SAMMSON: variants seen among roughly 807,000 people sequenced by gnomAD.
The protein encoded by SAMMSON is survival associated mitochondrial melanoma specific oncogenic non-coding RNA.
chr3:70,022,761 C>A (rs953157621), intron 3 of SAMMSON, among the ~76,000 whole-genome samples: 1 of 152,186 alleles, frequency 6.6e-6, no homozygotes, highest in Non-Finnish European at 1.5e-5. Flanking sequence ...GCTAAAGGGC[C>A]TAAGCCCTTC....
chr3:70,162,138 T>G (rs2067617991), intron 4 of SAMMSON, among the ~76,000 whole-genome samples: 1 of 151,830 alleles, frequency 6.6e-6, no homozygotes. Context: ...ATTCAATGGT[T>G]TTTCACTCTA....
In SAMMSON at chr3:70,186,667, A is replaced by T. The variant is rs533325629; in HGVS notation, n.508-62440A>T. Among the ~76,000 whole-genome samples, 23 of 152,302 alleles carry T rather than the reference A, an allele frequency of 1.5e-4. No individual in the cohort carries two copies. The South Asian group carries it at 4.4e-3, about 29-fold the overall frequency. On this transcript the variant is annotated intron_variant and non_coding_transcript_variant, in intron 4 of 9. Coordinates refer to ENST00000642114, the Ensembl canonical transcript of SAMMSON. ...GAGGGGTGGTTAGGAGGAGAATGAG[A>T]AAAACCTTTCTTAGCTGAAAAAGGA...
At chr3:70,356,603 TCTTA>T (rs1702831095) in intron 8 of SAMMSON, among the ~76,000 whole-genome samples, 1 of 152,164 alleles carries the variant, frequency 6.6e-6, no homozygotes, top group Non-Finnish European at 1.5e-5. Flanking sequence ...TCCTCACTAT[TCTTA>T]CTTTTAAAAT....
At chr3:70,399,200 G>C (rs774980688) in intron 2 of SAMMSON, among the ~76,000 whole-genome samples, 1 of 152,046 alleles carries the variant, frequency 6.6e-6, no homozygotes, top group Non-Finnish European at 1.5e-5. Context: ...CAACATCCTC[G>C]TTGTTTATTT....
At chr3:70,342,744 G>A (rs805468) in intron 7 of SAMMSON, among the ~76,000 whole-genome samples, 129,063 of 152,134 alleles carry the variant, frequency 0.85, 54,847 homozygotes, top group East Asian at 0.94. Context: ...AGTATTGCCT[G>A]AAGTCATTAT....
intron 4 of SAMMSON, among the ~76,000 whole-genome samples, chr3:70,096,419 C>G (rs1576120656): frequency 6.6e-6 from 1 of 152,076 alleles, no homozygotes; most frequent in South Asian, 2.1e-4. Context: ...TGGCGCATAC[C>G]TGTAGTTCCA....
At chr3:70,348,024 C>G (rs1478081069) in intron 7 of SAMMSON, among the ~76,000 whole-genome samples, 1 of 151,946 alleles carries the variant, frequency 6.6e-6, no homozygotes, top group African/African-American at 2.4e-5. Context: ...GCCTGGGTGA[C>G]AGAGCAAGAC....
chr3:70,032,382 A>G (rs1268644192), intron 3 of SAMMSON, among the ~76,000 whole-genome samples: 2 of 152,230 alleles, frequency 1.3e-5, no homozygotes, highest in African/African-American at 4.8e-5. Flanking sequence ...TTATAGCAAC[A>G]AAGATTTGAT....
intron 3 of SAMMSON, among the ~76,000 whole-genome samples, chr3:70,023,322 G>T (rs1023369611): frequency 2.0e-5 from 3 of 151,872 alleles, no homozygotes; most frequent in African/African-American, 7.3e-5. Flanking sequence ...TTAGCCAGGC[G>T]TGGTGGCAGA....
chr3:70,158,026 G>A (rs1553642566), intron 4 of SAMMSON, among the ~76,000 whole-genome samples: 1 of 152,054 alleles, frequency 6.6e-6, no homozygotes, highest in African/African-American at 2.4e-5. Flanking sequence ...AGCTTTGGAT[G>A]TTTTTAATAA....
At chr3:70,379,077 G>A (rs1376387134) in intron 9 of SAMMSON, among the ~76,000 whole-genome samples, 2 of 151,424 alleles carry the variant, frequency 1.3e-5, no homozygotes, top group African/African-American at 2.4e-5. Context: ...GCAGTGGCAC[G>A]ATCTCAGCTC....
At chr3:70,065,891 A>G (rs1252329544) in intron 3 of SAMMSON, among the ~76,000 whole-genome samples, 2 of 152,070 alleles carry the variant, frequency 1.3e-5, no homozygotes, top group Non-Finnish European at 2.9e-5. Flanking sequence ...CCGCAGGCCC[A>G]TTTCTATCTG....
chr3:70,411,578 T>C (rs1038516045), intron 2 of SAMMSON, among the ~76,000 whole-genome samples: 5 of 152,194 alleles, frequency 3.3e-5, no homozygotes, highest in South Asian at 2.1e-4. Flanking sequence ...TCTTGAATTG[T>C]AGCTCCCATG....
At chr3:70,322,986 G>C (rs1702549182) in intron 7 of SAMMSON, among the ~76,000 whole-genome samples, 1 of 152,098 alleles carries the variant, frequency 6.6e-6, no homozygotes, top group East Asian at 1.9e-4. Flanking sequence ...AAATTTTAGG[G>C]AGCAAAGATT....
chr3:70,133,566 A>G (rs1213880342), intron 4 of SAMMSON, among the ~76,000 whole-genome samples: 1 of 152,118 alleles, frequency 6.6e-6, no homozygotes, highest in African/African-American at 2.4e-5. Flanking sequence ...ATAGCTGGTG[A>G]GTTAGAAGCA....
At chr3:70,088,703 T>C (rs2067294600) in intron 4 of SAMMSON, among the ~76,000 whole-genome samples, 1 of 152,240 alleles carries the variant, frequency 6.6e-6, no homozygotes, top group Middle Eastern at 3.4e-3. Flanking sequence ...ATTTCTATAA[T>C]AGTTTTGTTG....
intron 4 of SAMMSON, chr3:70,204,454 T>A (rs1701270584): frequency 6.6e-6 from 1 of 152,178 alleles, no homozygotes; most frequent in Admixed American, 6.6e-5. Context: ...GGGTCTTAGG[T>A]TGGCTTCTTT....
intron 2 of SAMMSON, among the ~76,000 whole-genome samples, chr3:70,414,740 T>C (rs959439647): frequency 2.0e-5 from 3 of 152,186 alleles, no homozygotes; most frequent in Non-Finnish European, 4.4e-5. Context: ...ATATAGTTCA[T>C]TTATAAAATG....
chr3:70,346,187 G>A (rs1559568919), intron 7 of SAMMSON, among the ~76,000 whole-genome samples: 1 of 151,992 alleles, frequency 6.6e-6, no homozygotes, highest in Admixed American at 6.5e-5. Flanking sequence ...GATAGGTATG[G>A]CATTTCTTAT....
Sources: allele counts gnomAD v4.1 joint callset (sites outside exome capture counted in the v4.1 genomes callset), GRCh38; gene constraint gnomAD v4.1.1; transcripts MANE v1.5; gene names NCBI Gene and HGNC (gene_info 2026-07-23, HGNC 2026-07-21).